Variants in ADGRL2 observed in about 807,000 individuals in gnomAD.
ADGRL2 encodes the protein calcium-independent alpha-latrotoxin receptor 2.
Under a neutral mutation model 157.4 loss-of-function variants are expected in ADGRL2, and 44 were observed. That is an observed-to-expected ratio of 0.28 (90% CI 0.22 to 0.36). The LOEUF (loss-of-function observed/expected upper bound fraction) is 0.36. ADGRL2 is among the 10% of genes least tolerant of loss of function. ADGRL2 has a pLI of 1.00. For synonymous variants in ADGRL2, 585 were observed against 624.7 expected, an observed-to-expected ratio of 0.94 and a Z score of 0.95; for missense variants, 1,510 against 1,768.9, an observed-to-expected ratio of 0.85 and a Z score of 2.63.
At chr1:81,876,662 C>T (rs184210966) in intron 2 of ADGRL2, among the ~76,000 whole-genome samples, 16 of 152,222 alleles carry the variant, frequency 1.1e-4, no homozygotes, top group African/African-American at 3.9e-4. Context: ...AATAATCCAA[C>T]ACCCTAATTT....
chr1:81,366,268 C>T (rs963857941), intron 1 of ADGRL2, among the ~76,000 whole-genome samples: 1 of 150,352 alleles, frequency 6.7e-6, no homozygotes, highest in Non-Finnish European at 1.5e-5. Context: ...CTAAGGAACC[C>T]ACCAAGATAT....
At chr1:81,411,454 C>T (rs1292673840) in intron 1 of ADGRL2, among the ~76,000 whole-genome samples, 1 of 152,180 alleles carries the variant, frequency 6.6e-6, no homozygotes, top group East Asian at 1.9e-4. Flanking sequence ...TCGTTAGCAT[C>T]TGCATTTGTG....
chr1:81,722,098 C>T (rs2084347526), intron 1 of ADGRL2: 1 of 373,282 alleles, frequency 2.7e-6, no homozygotes, highest in Non-Finnish European at 5.1e-6. Flanking sequence ...CGAGACCATC[C>T]TGGCTAACAT....
At chr1:81,927,542 A>T (rs529432487) in intron 3 of ADGRL2, among the ~76,000 whole-genome samples, 2 of 151,972 alleles carry the variant, frequency 1.3e-5, no homozygotes, top group Non-Finnish European at 2.9e-5. Flanking sequence ...ACCAGTATTC[A>T]TGCATATTAT....
At chr1:81,446,689 G>C (rs1288571213) in intron 2 of ADGRL2, among the ~76,000 whole-genome samples, 2 of 152,040 alleles carry the variant, frequency 1.3e-5, no homozygotes. Flanking sequence ...ATTCAAAATT[G>C]GTCATTAACT....
intron 2 of ADGRL2, among the ~76,000 whole-genome samples, chr1:81,472,445 C>T (rs933421116): frequency 1.3e-5 from 2 of 152,108 alleles, no homozygotes; most frequent in Non-Finnish European, 2.9e-5. Flanking sequence ...CCAGCCTGGG[C>T]AACAGTGAAA....
intron 2 of ADGRL2, among the ~76,000 whole-genome samples, chr1:81,531,475 T>C (rs533227836): frequency 2.6e-5 from 4 of 152,212 alleles, no homozygotes; most frequent in Non-Finnish European, 5.9e-5. Flanking sequence ...TAGTTCATAG[T>C]AGACAGGCAA....
intron 2 of ADGRL2, among the ~76,000 whole-genome samples, chr1:81,786,224 T>C (rs2087038501): frequency 6.6e-6 from 1 of 152,226 alleles, no homozygotes. Context: ...GGAATAATGA[T>C]AATATACTAA....
At chr1:81,782,261 A>C (rs2086845019) in intron 2 of ADGRL2, among the ~76,000 whole-genome samples, 4 of 152,110 alleles carry the variant, frequency 2.6e-5, no homozygotes, top group Admixed American at 2.0e-4. Context: ...TTCATCCCCT[A>C]CCCTGTTTCC....
chr1:81,787,195 T>A (rs2087093861), intron 2 of ADGRL2, among the ~76,000 whole-genome samples: 1 of 152,178 alleles, frequency 6.6e-6, no homozygotes, highest in African/African-American at 2.4e-5. Flanking sequence ...CTTCCCAGTC[T>A]CAGGTATTTC....
chr1:81,501,109 C>T (rs980244749), intron 2 of ADGRL2, among the ~76,000 whole-genome samples: 2 of 152,180 alleles, frequency 1.3e-5, no homozygotes, highest in African/African-American at 4.8e-5. Context: ...ATAGAGCTAA[C>T]TCGCAGGGGC....
chr1:81,470,400 A>G (rs1229322739), intron 2 of ADGRL2, among the ~76,000 whole-genome samples: 3 of 151,922 alleles, frequency 2.0e-5, no homozygotes, highest in Non-Finnish European at 4.4e-5. Context: ...TTCCCAACAG[A>G]TTCTACCCCC....
chr1:81,375,367 G>A (rs2076231884), intron 1 of ADGRL2, among the ~76,000 whole-genome samples: 1 of 152,134 alleles, frequency 6.6e-6, no homozygotes, highest in Admixed American at 6.5e-5. Flanking sequence ...ATTATGAAGG[G>A]CCGTGAAGTT....
intron 3 of ADGRL2, among the ~76,000 whole-genome samples, chr1:81,633,633 T>C (rs955007411): frequency 3.4e-5 from 5 of 148,652 alleles, no homozygotes; most frequent in African/African-American, 1.2e-4. Flanking sequence ...GAACCACCGA[T>C]TTTCTCTACC....
chr1:81,671,145 C>T (rs2082866943), intron 3 of ADGRL2, among the ~76,000 whole-genome samples: 2 of 152,218 alleles, frequency 1.3e-5, no homozygotes, highest in African/African-American at 4.8e-5. Flanking sequence ...GAAGGGGCCT[C>T]CCAAGTATGT....
rs1457067591 is a variant in ADGRL2 at position 81,950,444 on chromosome 1, G to C, written c.1466G>C (p.Gly489Ala). The C allele has an allele frequency of 6.2e-7, 1 of 1,613,922 alleles. No homozygotes were observed. The highest frequency in any genetic ancestry group is 8.5e-7 in the Non-Finnish European group (1 of 1,179,866). ...ATAAAGTGGCCTCAGACACAAAGGG[G>C]AATGATGGTTGAACGACCATGCCCT... Reference protein sequence around the residue: ...KGIKWPQTQRGMMVERPCPKG... With the variant: ...KGIKWPQTQRAMMVERPCPKG... The change falls in exon 7 of 24, where the codon GGA becomes GCA. Residue 489 changes from glycine (G) to alanine (A), a missense_variant. Physicochemically the swap from Gly to Ala is moderately conservative, Grantham distance 60. Coordinates refer to ENST00000686636, the MANE Select transcript of ADGRL2 (RefSeq NM_001366006.2).
At chr1:81,415,833 T>C (rs2077022519) in intron 1 of ADGRL2, among the ~76,000 whole-genome samples, 1 of 145,282 alleles carries the variant, frequency 6.9e-6, no homozygotes, top group African/African-American at 2.5e-5. Flanking sequence ...AAGAACAGTA[T>C]CTCCTTTTCC....
intron 1 of ADGRL2, among the ~76,000 whole-genome samples, chr1:81,736,572 A>G (rs2084908842): frequency 1.3e-5 from 2 of 152,176 alleles, no homozygotes. Flanking sequence ...CTCTTCCTTG[A>G]CATGGACATA....
intron 1 of ADGRL2, among the ~76,000 whole-genome samples, chr1:81,354,277 G>T (rs942095905): frequency 6.6e-6 from 1 of 152,186 alleles, no homozygotes; most frequent in Non-Finnish European, 1.5e-5. Flanking sequence ...TTAGGAACTT[G>T]CTCAAGGACA....
Sources: allele counts gnomAD v4.1 joint callset (sites outside exome capture counted in the v4.1 genomes callset), GRCh38; gene constraint gnomAD v4.1.1; transcripts MANE v1.5; gene names NCBI Gene and HGNC (gene_info 2026-07-23, HGNC 2026-07-21).